The following SOX5 variants were observed in gnomAD, a reference collection of about 807,000 sequenced individuals.
SOX5 encodes SRY-box transcription factor 5, also known as transcription factor SOX-5.
SOX5 carries 9 observed loss-of-function variants against 92.0 expected under a neutral mutation model. The ratio of observed to expected loss-of-function variants is 0.10; its 90% CI spans 0.06 to 0.17. The LOEUF (loss-of-function observed/expected upper bound fraction) is 0.17. SOX5 is among the 10% of genes least tolerant of loss of function. The pLI is 1.00. For missense variants in SOX5, 642 were observed against 944.5 expected (o/e 0.68, Z 4.20); for synonymous variants, 344 against 336.3 (o/e 1.02, Z -0.25).
intron 1 of SOX5, among the ~76,000 whole-genome samples, chr12:24,486,469 C>G (rs1597215679): frequency 6.6e-6 from 1 of 152,158 alleles, no homozygotes; most frequent in African/African-American, 2.4e-5. Context: ...CCCACTATAC[C>G]TGACTCCCTC....
chr12:23,667,882 G>A (rs765514051), intron 6 of SOX5, among the ~76,000 whole-genome samples: 6 of 152,252 alleles, frequency 3.9e-5, no homozygotes, highest in Admixed American at 2.0e-4. Context: ...CTATGTGAGC[G>A]ACTAAAAACA....
chr12:24,031,206 T>TAA (rs952418348), intron 4 of SOX5, among the ~76,000 whole-genome samples: 8 of 148,286 alleles, frequency 5.4e-5, no homozygotes, highest in Admixed American at 2.0e-4. Context: ...TAGTTATATA[T>TAA]ATATATATAC....
In SOX5 at chr12:24,010,945, A is replaced by T. The variant is rs1952856034; in HGVS notation, c.-1-114921T>A. On this transcript the variant is annotated intron_variant, in intron 4 of 4. Transcript: ENST00000446891. ...CAGAGCCATGCTCCATTTCCAAAAAAAAAAAAAGAATAATATTCTGAAATA... is the reference window on the plus strand; with the variant it reads ...CAGAGCCATGCTCCATTTCCAAAAATAAAAAAAGAATAATATTCTGAAATA... Among the ~76,000 whole-genome samples the T allele has an allele frequency of 2.0e-5, 3 of 152,304 alleles. No homozygotes were observed. In the South Asian group the frequency reaches 6.2e-4, roughly 32 times the overall value.
At chr12:23,787,201 T>A (rs1487748997) in intron 3 of SOX5, among the ~76,000 whole-genome samples, 1 of 152,042 alleles carries the variant, frequency 6.6e-6, no homozygotes, top group African/African-American at 2.4e-5. Flanking sequence ...TGTAGGTTTA[T>A]CTCTGCACAA....
At chr12:24,156,304 G>T (rs967769414) in intron 4 of SOX5, among the ~76,000 whole-genome samples, 1 of 152,138 alleles carries the variant, frequency 6.6e-6, no homozygotes, top group African/African-American at 2.4e-5. Flanking sequence ...AGCATAACCT[G>T]CTTGGCCTCT....
intron 6 of SOX5, among the ~76,000 whole-genome samples, chr12:23,709,590 G>A (rs1367078164): frequency 6.6e-6 from 1 of 152,134 alleles, no homozygotes; most frequent in African/African-American, 2.4e-5. Context: ...ACTCCAATAG[G>A]AGCAAATATA....
intron 1 of SOX5, among the ~76,000 whole-genome samples, chr12:24,455,255 C>T (rs1260472557): frequency 2.6e-5 from 4 of 152,198 alleles, no homozygotes; most frequent in African/African-American, 7.2e-5. Context: ...ACATCATTGA[C>T]GCAGGAAGAG....
chr12:24,177,938 C>A (rs1400653548), intron 4 of SOX5, among the ~76,000 whole-genome samples: 1 of 152,120 alleles, frequency 6.6e-6, no homozygotes, highest in African/African-American at 2.4e-5. Context: ...CAGAATAATA[C>A]CAATCCTGAA....
chr12:23,585,561 A>G (rs1478184373), intron 9 of SOX5, among the ~76,000 whole-genome samples: 1 of 152,142 alleles, frequency 6.6e-6, no homozygotes, highest in Non-Finnish European at 1.5e-5. Context: ...CACTTCTCGT[A>G]CTCCACTTGC....
At chr12:23,866,850 T>G (rs1289421884) in intron 2 of SOX5, among the ~76,000 whole-genome samples, 1 of 152,188 alleles carries the variant, frequency 6.6e-6, no homozygotes, top group Non-Finnish European at 1.5e-5. Flanking sequence ...ATTTCCCTTT[T>G]GGGGATTTGA....
intron 6 of SOX5, among the ~76,000 whole-genome samples, chr12:23,672,734 A>G (rs553099076): frequency 6.6e-6 from 1 of 152,142 alleles, no homozygotes; most frequent in Admixed American, 6.6e-5. Context: ...TCACTACTGC[A>G]TTTTTACTTT....
intron 1 of SOX5, among the ~76,000 whole-genome samples, chr12:23,938,237 G>C (rs932909030): frequency 1.3e-5 from 2 of 150,880 alleles, no homozygotes; most frequent in Non-Finnish European, 3.0e-5. Context: ...CAAAAATAAG[G>C]GTTCTGTTTC....
intron 4 of SOX5, among the ~76,000 whole-genome samples, chr12:24,197,495 C>CT (rs930324490): frequency 3.3e-5 from 5 of 152,194 alleles, no homozygotes; most frequent in African/African-American, 1.2e-4. Context: ...CACTAACTGG[C>CT]TACCCAATAC....
rs533241399 is a variant in SOX5, at chr12:23,902,556, T to G, written c.39-6532A>C. 2.6e-4 allele frequency among the ~76,000 whole-genome samples: 39 copies of G among 150,922 alleles called. 1 individual carries two copies. The highest frequency in any genetic ancestry group is 1.9e-3 in the South Asian group (9 of 4,726). On this transcript the variant is annotated intron_variant, in intron 1 of 14. Transcript: ENST00000451604. Reference sequence around the variant, plus strand: ...CCAATCTCAAACTATATCATCAACTTTTTCAGTTGCATGCATAAAAAAATT... The same window carrying G: ...CCAATCTCAAACTATATCATCAACTGTTTCAGTTGCATGCATAAAAAAATT...
chr12:23,739,650 G>T (rs2093725085), intron 5 of SOX5, among the ~76,000 whole-genome samples: 1 of 151,986 alleles, frequency 6.6e-6, no homozygotes, highest in Admixed American at 6.6e-5. Context: ...TCTACCCTTA[G>T]TTCCTTTCTG....
intron 11 of SOX5, among the ~76,000 whole-genome samples, chr12:23,560,376 T>C (rs997853903): frequency 1.3e-5 from 2 of 152,222 alleles, no homozygotes; most frequent in South Asian, 4.1e-4. Context: ...TTATTGGCCA[T>C]AGATAATATT....
intron 3 of SOX5, among the ~76,000 whole-genome samples, chr12:23,775,658 C>T (rs1362081804): frequency 1.3e-5 from 2 of 152,208 alleles, no homozygotes; most frequent in African/African-American, 2.4e-5. Context: ...TATTTCTCCA[C>T]AGTTATTTTG....
At chr12:23,541,323 T>C (rs1037092739) in intron 13 of SOX5, among the ~76,000 whole-genome samples, 25 of 152,198 alleles carry the variant, frequency 1.6e-4, no homozygotes, top group African/African-American at 6.0e-4. Flanking sequence ...TTGAATAATA[T>C]AAAGACAGTT....
At chr12:24,080,957 A>C (rs1943255802) in intron 4 of SOX5, among the ~76,000 whole-genome samples, 2 of 152,000 alleles carry the variant, frequency 1.3e-5, no homozygotes, top group South Asian at 4.1e-4. Flanking sequence ...AATTCCATGT[A>C]CTTGCACTTA....
Sources: gnomAD v4.1 joint callset for allele counts (sites outside exome capture counted in the v4.1 genomes callset) on GRCh38, gnomAD v4.1.1 for gene constraint, MANE v1.5 for transcripts, NCBI Gene and HGNC (gene_info 2026-07-23, HGNC 2026-07-21) for gene names.